The following RIMBP2 variants were observed in gnomAD, a reference collection of about 807,000 sequenced individuals.
RIMBP2 encodes RIMS-binding protein 2.
RIMBP2 carries 48 observed loss-of-function variants against 118.6 expected under a neutral mutation model. The ratio of observed to expected loss-of-function variants is 0.40; its 90% CI spans 0.32 to 0.51. The LOEUF is 0.51. Among genes scored for constraint, RIMBP2 ranks in the 20% least tolerant of loss-of-function variants. RIMBP2 has a pLI of 0.41. For missense variants in RIMBP2, 1,551 were observed against 1,768.3 expected (o/e 0.88, Z 2.20); for synonymous variants, 762 against 742.9 (o/e 1.03, Z -0.42).
At chr12:130,604,795 G>C (rs1455739253) in intron 2 of RIMBP2, among the ~76,000 whole-genome samples, 1 of 131,950 alleles carries the variant, frequency 7.6e-6, no homozygotes, top group Non-Finnish European at 1.6e-5. Flanking sequence ...TGTTAGCCAG[G>C]ATGGTCTTGA....
intron 2 of RIMBP2, among the ~76,000 whole-genome samples, chr12:130,584,025 CCATCACCCCCATCACCATTACATCAT>C (rs1485944164): frequency 8.7e-5 from 13 of 148,600 alleles, no homozygotes; most frequent in Admixed American, 3.4e-4. Context: ...CATTACATCA[CCATCACCCCCATCACCATTACATCAT>C]CATCACCATG....
At chr12:130,556,706 C>G (rs770070726) in intron 2 of RIMBP2, among the ~76,000 whole-genome samples, 2 of 152,190 alleles carry the variant, frequency 1.3e-5, no homozygotes, top group Non-Finnish European at 2.9e-5. Context: ...CTGCTACCCT[C>G]CCAACTCAAG....
chr12:130,530,402 A>C (rs2053245102), intron 2 of RIMBP2, among the ~76,000 whole-genome samples: 1 of 152,222 alleles, frequency 6.6e-6, no homozygotes, highest in Non-Finnish European at 1.5e-5. Flanking sequence ...TTTATAAGCT[A>C]TTTTCCCCTA....
At chr12:130,595,844 T>A (rs2059526150) in intron 2 of RIMBP2, among the ~76,000 whole-genome samples, 1 of 152,088 alleles carries the variant, frequency 6.6e-6, no homozygotes, top group African/African-American at 2.4e-5. Context: ...GGAACTTGAG[T>A]TTCTGAAATC....
At chr12:130,684,476 C>T (rs1040048487) in intron 1 of RIMBP2, among the ~76,000 whole-genome samples, 1 of 152,172 alleles carries the variant, frequency 6.6e-6, no homozygotes, top group Non-Finnish European at 1.5e-5. Flanking sequence ...GGCGTTCAAA[C>T]CATAGCGACT....
At chr12:130,602,146 A>G (rs977328736) in intron 2 of RIMBP2, among the ~76,000 whole-genome samples, 52 of 149,626 alleles carry the variant, frequency 3.5e-4, no homozygotes, top group Non-Finnish European at 5.9e-5. Flanking sequence ...TAAAAAATAC[A>G]AAAAAAGAAA....
At chr12:130,606,988 C>T (rs1699603064) in intron 2 of RIMBP2, among the ~76,000 whole-genome samples, 1 of 152,122 alleles carries the variant, frequency 6.6e-6, no homozygotes, top group Non-Finnish European at 1.5e-5. Flanking sequence ...CTTGCCACCA[C>T]ACCTGGCTAA....
intron 4 of RIMBP2, 94 bp from the exon 5 acceptor site, chr12:130,479,110 C>A (rs113231180): frequency 5.0e-6 from 5 of 1,005,606 alleles, no homozygotes; most frequent in African/African-American, 3.2e-5. Flanking sequence ...TGACTCAGCC[C>A]GGTCACTCCA....
intron 2 of RIMBP2, among the ~76,000 whole-genome samples, chr12:130,520,309 T>C (rs1295705296): frequency 6.6e-6 from 1 of 152,078 alleles, no homozygotes; most frequent in African/African-American, 2.4e-5. Flanking sequence ...GAGAGAAACA[T>C]CTTCGTCTCT....
intron 7 of RIMBP2, 73 bp downstream of exon 7, chr12:130,456,423 G>A (rs946563045): frequency 7.3e-7 from 1 of 1,375,062 alleles, no homozygotes; most frequent in African/African-American, 1.4e-5. Flanking sequence ...GATTTCACCT[G>A]TGCACACCCT....
chr12:130,622,353 T>A lies in RIMBP2; in HGVS notation c.-217+5969A>T, dbSNP rs2061370462. Among the ~76,000 whole-genome samples the A allele has an allele frequency of 2.6e-5, 4 of 152,190 alleles. No individual in the cohort carries two copies. The South Asian group carries it at 8.3e-4, about 32-fold the overall frequency. On this transcript the variant is annotated intron_variant, in intron 2 of 22. Coordinates refer to ENST00000690449, the MANE Select transcript of RIMBP2 (RefSeq NM_001393629.1). This position sits in a 1 kb window ranked among gnomAD's most constrained non-coding sequence, Gnocchi z 8.5. ...CCCTCTTTCTTTAAATGGGCTTGTGTTTTACATACATAATTATATTGAAAA... is the reference window on the plus strand; with the variant it reads ...CCCTCTTTCTTTAAATGGGCTTGTGATTTACATACATAATTATATTGAAAA...
In RIMBP2 at chr12:130,568,994, C is replaced by A. The variant is rs962828850; in HGVS notation, c.-216-51077G>T. ...TGTTAGTGACAGGGCACCTATCTGA[C>A]ATCTACTGCCTTGGAGACCCCCCAC... On this transcript the variant is annotated intron_variant, in intron 2 of 22. Coordinates refer to ENST00000690449, the MANE Select transcript of RIMBP2 (RefSeq NM_001393629.1). Among the ~76,000 whole-genome samples the A allele has an allele frequency of 2.0e-5, 3 of 152,144 alleles. No individual in the cohort carries two copies. The South Asian group carries it at 6.2e-4, about 32-fold the overall frequency.
intron 22 of RIMBP2, chr12:130,399,142 G>A: frequency 7.1e-7 from 1 of 1,398,628 alleles, no homozygotes; most frequent in Non-Finnish European, 9.3e-7. Flanking sequence ...TGATTAAGGT[G>A]TGAAATGAAC....
intron 3 of RIMBP2, among the ~76,000 whole-genome samples, chr12:130,510,808 T>C (rs2050838844): frequency 6.6e-6 from 1 of 152,140 alleles, no homozygotes; most frequent in Admixed American, 6.5e-5. Context: ...ATGCCACAAT[T>C]ATGGTTTTGC....
At chr12:130,606,818 G>A (rs2060218836) in intron 2 of RIMBP2, among the ~76,000 whole-genome samples, 1 of 152,086 alleles carries the variant, frequency 6.6e-6, no homozygotes, top group African/African-American at 2.4e-5. Flanking sequence ...AACAGTCCGA[G>A]TCACCACAAC....
At chr12:130,435,275 C>T (rs2077433633) in intron 13 of RIMBP2, among the ~76,000 whole-genome samples, 1 of 152,112 alleles carries the variant, frequency 6.6e-6, no homozygotes, top group Admixed American at 6.5e-5. Flanking sequence ...AACTCCTGAG[C>T]TCAGGTGATC....
At chr12:130,436,796 G>A in intron 13 of RIMBP2, 46 bp downstream of exon 13, 1 of 1,338,716 alleles carries the variant, frequency 7.5e-7, no homozygotes. Flanking sequence ...CCGTCCCGTG[G>A]GGTTTGGGGA....
intron 5 of RIMBP2, among the ~76,000 whole-genome samples, chr12:130,476,927 A>G (rs2081480004): frequency 6.6e-6 from 1 of 152,210 alleles, no homozygotes; most frequent in Non-Finnish European, 1.5e-5. Context: ...TCACAAGTGC[A>G]GTGCAACGAC....
intron 13 of RIMBP2, among the ~76,000 whole-genome samples, chr12:130,435,096 A>C (rs2077420249): frequency 6.6e-6 from 1 of 151,296 alleles, no homozygotes; most frequent in Non-Finnish European, 1.5e-5. Flanking sequence ...CCCAGGCTGG[A>C]GTGCAGTGGC....
Sources: allele counts gnomAD v4.1 joint callset (sites outside exome capture counted in the v4.1 genomes callset), GRCh38; gene constraint gnomAD v4.1.1; non-coding constraint Gnocchi (gnomAD v3.1); transcripts MANE v1.5; gene names NCBI Gene and HGNC (gene_info 2026-07-23, HGNC 2026-07-21).